ZNF385D: variants seen among roughly 807,000 people sequenced by gnomAD.
ZNF385D encodes the protein zinc finger protein 385D, also known as zinc finger protein 659.
Under a neutral mutation model 35.8 loss-of-function variants are expected in ZNF385D, and 15 were observed. The observed-to-expected ratio is 0.42, with a 90% CI of 0.28 to 0.64. The LOEUF (loss-of-function observed/expected upper bound fraction) is 0.64, where lower values mean the gene tolerates loss of function less well. ZNF385D is among the 30% of genes least tolerant of loss of function. The pLI is 0.23. For missense variants in ZNF385D, 474 were observed against 494.6 expected, an observed-to-expected ratio of 0.96 and a Z score of 0.39; for synonymous variants, 212 against 186.8, an observed-to-expected ratio of 1.13 and a Z score of -1.10.
In ZNF385D at chr3:21,424,027, C is replaced by G. The variant is rs773529989; in HGVS notation, c.890G>C (p.Gly297Ala). ...SSRRHKDRAAGKPPKPKYSPY... is the reference protein window; with the variant it reads ...SSRRHKDRAAAKPPKPKYSPY... ...ACTGTATTTAGGTTTCGGGGGCTTC[C>G]CAGCAGCTCTGTCTTTGTGCCTTCT... is the stretch of plus-strand genomic sequence containing the variant. Residue 297 changes from glycine to alanine, a missense_variant, in exon 7 of 8, where the codon GGG (glycine) becomes GCG (alanine). Transcript: ENST00000281523. 1 of 1,602,658 alleles carries G rather than the reference C, an allele frequency of 6.2e-7. No homozygotes were observed.
At position 22,036,795 on chromosome 3, in the gene ZNF385D, T is replaced by C. The variant is rs145174972; in HGVS notation, c.325+132022A>G. Among the ~76,000 whole-genome samples the C allele has an allele frequency of 1.9e-3, 281 of 151,358 alleles. 1 individual carries two copies. The highest frequency in any genetic ancestry group is 6.6e-3 in the African/African-American group (271 of 41,186). ...GCTACATATGTATACATGTGCCATG[T>C]TGGTGTGCTGTACCCATTAACTCGT... is the stretch of plus-strand genomic sequence containing the variant. On this transcript the variant is annotated intron_variant, in intron 3 of 5. Coordinates refer to the ZNF385D transcript ENST00000494108.
intron 3 of ZNF385D, among the ~76,000 whole-genome samples, chr3:21,875,346 T>A (rs777554718): frequency 3.3e-5 from 5 of 152,048 alleles, no homozygotes; most frequent in Admixed American, 6.6e-5. Context: ...GTAAATTAGA[T>A]CATAGCCTCC....
At chr3:21,555,179 C>T (rs551226321) in intron 3 of ZNF385D, among the ~76,000 whole-genome samples, 1 of 150,998 alleles carries the variant, frequency 6.6e-6, no homozygotes, top group African/African-American at 2.4e-5. Context: ...AGATGTGTGA[C>T]TCTTTCTTTC....
chr3:21,735,730 G>C (rs1408894406), intron 1 of ZNF385D, among the ~76,000 whole-genome samples: 3 of 152,176 alleles, frequency 2.0e-5, no homozygotes, highest in South Asian at 2.1e-4. Context: ...GGAACTGCAA[G>C]GCATAGTACA....
chr3:21,846,108 A>C (rs1300663272), intron 3 of ZNF385D, among the ~76,000 whole-genome samples: 1 of 152,004 alleles, frequency 6.6e-6, no homozygotes, highest in Non-Finnish European at 1.5e-5. Context: ...GAGTTGGAAA[A>C]ATAATTGCAA....
intron 3 of ZNF385D, among the ~76,000 whole-genome samples, chr3:22,114,475 CT>C (rs1459549629): frequency 1.3e-5 from 2 of 151,840 alleles, no homozygotes; most frequent in Non-Finnish European, 2.9e-5. Context: ...AAGATAATGA[CT>C]AGAGTAGTGC....
At chr3:21,678,257 AG>A (rs1345759577) in intron 1 of ZNF385D, among the ~76,000 whole-genome samples, 1 of 152,116 alleles carries the variant, frequency 6.6e-6, no homozygotes, top group African/African-American at 2.4e-5. Flanking sequence ...TGTCTGTCAA[AG>A]CTTGCCCAGG....
At chr3:22,112,254 T>C (rs1173956902) in intron 3 of ZNF385D, among the ~76,000 whole-genome samples, 1 of 152,110 alleles carries the variant, frequency 6.6e-6, no homozygotes, top group Non-Finnish European at 1.5e-5. Flanking sequence ...TTTGCATGGA[T>C]TATAATGAGA....
intron 3 of ZNF385D, among the ~76,000 whole-genome samples, chr3:22,041,620 A>C (rs1200694781): frequency 6.6e-6 from 1 of 152,162 alleles, no homozygotes; most frequent in African/African-American, 2.4e-5. Flanking sequence ...GAACACTAAA[A>C]TAGGCTCAGA....
At chr3:22,103,245 CCTGATAAACTGTGA>C (rs1397529995) in intron 3 of ZNF385D, among the ~76,000 whole-genome samples, 1 of 151,036 alleles carries the variant, frequency 6.6e-6, no homozygotes, top group African/African-American at 2.4e-5. Flanking sequence ...GTCTGTCTTC[CCTGATAAACTGTGA>C]GTTTCTTGAG....
intron 4 of ZNF385D, among the ~76,000 whole-genome samples, chr3:21,475,268 C>G (rs1704158802): frequency 6.6e-6 from 1 of 151,980 alleles, no homozygotes; most frequent in South Asian, 2.1e-4. Flanking sequence ...AATAATTATA[C>G]TGGGAATTTC....
intron 3 of ZNF385D, among the ~76,000 whole-genome samples, chr3:22,086,971 T>C (rs540207323): frequency 1.2e-4 from 18 of 151,984 alleles, no homozygotes; most frequent in Admixed American, 6.6e-4. Flanking sequence ...ATTAGGAGAA[T>C]TACCTAATGT....
At chr3:22,320,099 A>T (rs1421905530) in intron 2 of ZNF385D, among the ~76,000 whole-genome samples, 1 of 151,602 alleles carries the variant, frequency 6.6e-6, no homozygotes, top group Non-Finnish European at 1.5e-5. Flanking sequence ...CTTCATGTGG[A>T]ATCTGGTGCT....
chr3:21,906,536 C>G (rs1446701474), intron 3 of ZNF385D, among the ~76,000 whole-genome samples: 3 of 152,116 alleles, frequency 2.0e-5, no homozygotes, highest in Non-Finnish European at 4.4e-5. Flanking sequence ...CCTCTGCTTC[C>G]TTTCATCACT....
rs190107168 is a variant in ZNF385D, at chr3:22,325,019, G to A, written c.106+47431C>T. On this transcript the variant is annotated intron_variant, in intron 2 of 5. Transcript: ENST00000494108. ...AGGATAAAAGTTATAATAACAGTAC[G>A]TACTTTCTAAGTTTGCTCTGATAAT... is the stretch of plus-strand genomic sequence containing the variant. Among the ~76,000 whole-genome samples the A allele has an allele frequency of 4.1e-4, 62 of 152,266 alleles. No homozygotes were observed. In the East Asian group the frequency reaches 7.7e-3, roughly 19 times the overall value.
At chr3:21,689,153 A>G (rs777869120) in intron 1 of ZNF385D, among the ~76,000 whole-genome samples, 359 of 140,270 alleles carry the variant, frequency 2.6e-3, no homozygotes, top group Non-Finnish European at 4.6e-3. Context: ...AAAAAAAAAT[A>G]CTATTCCATT....
At chr3:21,561,705 A>T (rs891708202) in intron 3 of ZNF385D, among the ~76,000 whole-genome samples, 15 of 152,190 alleles carry the variant, frequency 9.9e-5, no homozygotes, top group African/African-American at 3.4e-4. Flanking sequence ...GAATGTCCAG[A>T]TGGTGGAACA....
chr3:21,699,931 G>C lies in ZNF385D; in HGVS notation c.23-34903C>G, dbSNP rs147232179. ...ACTACAAAACCCACCTCCTAGGTTC[G>C]AGTGATTCTCTTGTCTCGGCCTCCC... On this transcript the variant is annotated intron_variant, in intron 1 of 7. Transcript: ENST00000281523. 6.7e-5 allele frequency among the ~76,000 whole-genome samples: 10 copies of C among 148,460 alleles called. No individual in the cohort carries two copies. The South Asian group carries it at 1.9e-3, about 28-fold the overall frequency.
chr3:21,854,176 A>G (rs956261368), intron 3 of ZNF385D, among the ~76,000 whole-genome samples: 2 of 148,020 alleles, frequency 1.4e-5, no homozygotes, highest in East Asian at 4.0e-4. Flanking sequence ...TTCCTTATCT[A>G]TTTTTCTATT....
Sources: allele counts gnomAD v4.1 joint callset (sites outside exome capture counted in the v4.1 genomes callset), GRCh38; gene constraint gnomAD v4.1.1; transcripts MANE v1.5; gene names NCBI Gene and HGNC (gene_info 2026-07-23, HGNC 2026-07-21).